Variants in ARMC2 observed in about 807,000 individuals in gnomAD.
ARMC2 encodes armadillo repeat-containing protein 2.
Under a neutral mutation model 90.3 loss-of-function variants are expected in ARMC2, and 67 were observed. The observed-to-expected ratio is 0.74, with a 90% CI of 0.61 to 0.91. ARMC2 has a LOEUF of 0.91. Ranked by LOEUF, ARMC2 falls within the 40% of genes least tolerant of loss-of-function variation. The pLI is 0.00. For missense variants in ARMC2, 920 were observed against 1,030.9 expected, an observed-to-expected ratio of 0.89 and a Z score of 1.47; for synonymous variants, 393 against 393.0, an observed-to-expected ratio of 1.00 and a Z score of 0.00.
intron 10 of ARMC2, among the ~76,000 whole-genome samples, chr6:108,925,724 A>C (rs1033221855): frequency 6.6e-6 from 1 of 152,188 alleles, no homozygotes; most frequent in Non-Finnish European, 1.5e-5. Flanking sequence ...GGTGTCATCT[A>C]TTGAGCTATT....
At chr6:108,959,601 T>A (rs1245125221) in intron 13 of ARMC2, 1 of 152,248 alleles carries the variant, frequency 6.6e-6, no homozygotes, top group East Asian at 1.9e-4. Flanking sequence ...GGTGGCCTGT[T>A]CAAGCTGCAG....
At chr6:108,877,677 C>T (rs1245684981) in intron 5 of ARMC2, among the ~76,000 whole-genome samples, 1 of 152,182 alleles carries the variant, frequency 6.6e-6, no homozygotes, top group Non-Finnish European at 1.5e-5. Context: ...CTTGCTGCAT[C>T]CATCCTTACA....
At chr6:109,010,474 A>C in the ARMC2 span, among the ~76,000 whole-genome samples, 1 of 152,226 alleles carries the variant, frequency 6.6e-6, no homozygotes, top group Non-Finnish European at 1.5e-5. Context: ...TCTGACAAGG[A>C]AACAAGTGGA....
chr6:109,026,422 T>C, the ARMC2 span, among the ~76,000 whole-genome samples: 1 of 152,218 alleles, frequency 6.6e-6, no homozygotes, highest in Non-Finnish European at 1.5e-5. Context: ...GTACGAATTC[T>C]GAATAGCTTT....
the ARMC2 span, among the ~76,000 whole-genome samples, chr6:109,029,954 C>A: frequency 6.6e-6 from 1 of 152,198 alleles, no homozygotes; most frequent in African/African-American, 2.4e-5. Context: ...GGTTCTTAGA[C>A]ATTATTAACA....
At chr6:108,950,090 C>G (rs868644615) in intron 12 of ARMC2, among the ~76,000 whole-genome samples, 4 of 152,100 alleles carry the variant, frequency 2.6e-5, no homozygotes, top group South Asian at 2.1e-4. Context: ...CCTGTAATCC[C>G]AGCTACTTGG....
In ARMC2 at chr6:108,872,174, G is replaced by A. The variant is rs141141159; in HGVS notation, c.463+3179G>A. On this transcript the variant is annotated intron_variant, in intron 4 of 17. Coordinates refer to ENST00000392644, the MANE Select transcript of ARMC2 (RefSeq NM_032131.6). ...ATTTGTGGCTGATGCTACCCCACAG[G>A]CAGGGCCGGGGTGTGGTGGCAGGTT... Among the ~76,000 whole-genome samples the A allele has an allele frequency of 2.7e-4, 41 of 152,318 alleles. No individual in the cohort carries two copies. The East Asian group carries it at 6.8e-3, about 25-fold the overall frequency.
At chr6:108,880,621 A>G (rs1479247509) in intron 5 of ARMC2, among the ~76,000 whole-genome samples, 2 of 152,202 alleles carry the variant, frequency 1.3e-5, no homozygotes, top group Non-Finnish European at 2.9e-5. Flanking sequence ...GCTGTGCCTG[A>G]AGCCACCACA....
intron 7 of ARMC2, among the ~76,000 whole-genome samples, chr6:108,901,769 T>C (rs1422161116): frequency 1.3e-5 from 2 of 152,236 alleles, no homozygotes; most frequent in African/African-American, 4.8e-5. Context: ...GAAATTACCA[T>C]ACAATACTAT....
chr6:109,000,508 T>C, the ARMC2 span: 7 of 1,590,562 alleles, frequency 4.4e-6, no homozygotes, highest in Non-Finnish European at 6.0e-6. Flanking sequence ...TGTTCTTTGG[T>C]AATAAGCCAA....
chr6:108,974,864 C>A (rs1252767225), downstream of ARMC2, among the ~76,000 whole-genome samples: 1 of 152,068 alleles, frequency 6.6e-6, no homozygotes, highest in Admixed American at 6.6e-5. Context: ...CACCTGAGGT[C>A]GTGAGTTCGA....
chr6:108,980,541 C>T, the ARMC2 span, among the ~76,000 whole-genome samples: 1 of 152,252 alleles, frequency 6.6e-6, no homozygotes, highest in Admixed American at 6.5e-5. Context: ...GCTGGGAGAT[C>T]TGCTGCTCTC....
chr6:108,867,915 C>A (rs548485017), intron 3 of ARMC2, among the ~76,000 whole-genome samples: 2 of 152,172 alleles, frequency 1.3e-5, no homozygotes, highest in East Asian at 3.9e-4. Context: ...GCCTGGGTGA[C>A]AAGAGTGAAA....
the ARMC2 span, chr6:108,988,357 T>G: frequency 2.1e-6 from 1 of 474,150 alleles, no homozygotes; most frequent in Non-Finnish European, 3.6e-6. Flanking sequence ...TTCCCTGTCT[T>G]TATTCTTTTA....
intron 5 of ARMC2, among the ~76,000 whole-genome samples, chr6:108,883,487 A>G (rs1777788699): frequency 6.6e-6 from 1 of 152,264 alleles, no homozygotes; most frequent in African/African-American, 2.4e-5. Flanking sequence ...TGGTAGTAAT[A>G]TAAATAACCA....
At chr6:108,922,949 A>G (rs1462483779) in intron 10 of ARMC2, 4 of 152,216 alleles carry the variant, frequency 2.6e-5, no homozygotes, top group African/African-American at 9.6e-5. Flanking sequence ...ATCACCTAAC[A>G]ATTGCTAATA....
chr6:108,987,749 C>A, the ARMC2 span: 55,826 of 506,242 alleles, frequency 0.11, 3,383 homozygotes, highest in Middle Eastern at 0.17. Context: ...TGTAGTACAG[C>A]ATAACTTAGC....
chr6:108,988,670 T>C, the ARMC2 span: 19 of 1,609,000 alleles, frequency 1.2e-5, no homozygotes, highest in South Asian at 2.2e-5. Context: ...AATTTCACCA[T>C]AGTCATAATC....
At chr6:108,876,495 ACTT>A in intron 5 of ARMC2, 145 bp downstream of exon 5, 1 of 745,406 alleles carries the variant, frequency 1.3e-6, no homozygotes, top group East Asian at 2.9e-5. Flanking sequence ...AGGAGAGACT[ACTT>A]CTCATGGCCA....
Sources: gnomAD v4.1 joint callset for allele counts (sites outside exome capture counted in the v4.1 genomes callset) on GRCh38, gnomAD v4.1.1 for gene constraint, MANE v1.5 for transcripts, NCBI Gene and HGNC (gene_info 2026-07-23, HGNC 2026-07-21) for gene names.